Variants in NUMB observed in about 807,000 individuals in gnomAD.
NUMB encodes NUMB endocytic adaptor protein.
Under a neutral mutation model 59.7 loss-of-function variants are expected in NUMB, and 29 were observed. The observed-to-expected ratio is 0.49, with a 90% CI of 0.36 to 0.66. NUMB has a LOEUF of 0.66. NUMB is among the 30% of genes least tolerant of loss of function. The pLI is 0.00. For synonymous variants in NUMB, 288 were observed against 288.2 expected, an observed-to-expected ratio of 1.00 and a Z score of 0.01; for missense variants, 723 against 822.0, an observed-to-expected ratio of 0.88 and a Z score of 1.47.
At chr14:73,277,691 G>A (rs981325689) in intron 12 of NUMB, among the ~76,000 whole-genome samples, 4 of 151,956 alleles carry the variant, frequency 2.6e-5, no homozygotes, top group African/African-American at 9.7e-5. Context: ...GAGCCCAAGA[G>A]CTGGAGGCTG....
intron 4 of NUMB, among the ~76,000 whole-genome samples, chr14:73,326,229 T>C (rs991556440): frequency 1.3e-5 from 2 of 152,186 alleles, no homozygotes; most frequent in African/African-American, 2.4e-5. Context: ...GCTGAACTAA[T>C]ATACAGACCA....
intron 4 of NUMB, among the ~76,000 whole-genome samples, chr14:73,348,044 G>T (rs1276807211): frequency 6.6e-6 from 1 of 152,142 alleles, no homozygotes; most frequent in Non-Finnish European, 1.5e-5. Context: ...TCCCAAATTT[G>T]TTATTCCTTA....
intron 4 of NUMB, among the ~76,000 whole-genome samples, chr14:73,342,949 C>T (rs935129218): frequency 2.6e-5 from 4 of 152,042 alleles, no homozygotes; most frequent in African/African-American, 9.7e-5. Flanking sequence ...ACCTCAGCCT[C>T]CTGAGTAGCT....
At chr14:73,387,227 C>T (rs1273977425) in intron 2 of NUMB, among the ~76,000 whole-genome samples, 2 of 152,104 alleles carry the variant, frequency 1.3e-5, no homozygotes, top group African/African-American at 4.8e-5. Flanking sequence ...TGTCCTTACC[C>T]TGATCCCCTC....
At chr14:73,308,623 A>C (rs1439790511) in intron 6 of NUMB, among the ~76,000 whole-genome samples, 1 of 152,196 alleles carries the variant, frequency 6.6e-6, no homozygotes, top group African/African-American at 2.4e-5. Context: ...TAAGACGGAA[A>C]TACCATTATG....
At chr14:73,315,620 A>G (rs1471709805) in intron 6 of NUMB, among the ~76,000 whole-genome samples, 1 of 152,160 alleles carries the variant, frequency 6.6e-6, no homozygotes, top group East Asian at 1.9e-4. Flanking sequence ...CCCTAAAGGT[A>G]AGTTTATCCA....
rs529988297 is a variant in NUMB, at chr14:73,289,028, AAAAC to A, written c.451-1718_451-1715del. ...GTGACATAATGAGACCCTGTCTCAA[AAAAC>A]AAACAAACAAACAAAACTAACAATG... On this transcript the variant is annotated intron_variant, in intron 8 of 12. Transcript: ENST00000555238. 2.1e-3 allele frequency among the ~76,000 whole-genome samples: 323 copies of A among 152,266 alleles called. 1 individual carries two copies. In the Middle Eastern group the frequency reaches 0.041, roughly 19 times the overall value.
chr14:73,284,457 C>A (rs1888845347), intron 9 of NUMB, 83 bp from the exon 10 acceptor site: 6 of 1,200,424 alleles, frequency 5.0e-6, no homozygotes, highest in Non-Finnish European at 7.1e-6. Context: ...CGAAAGCCCT[C>A]TAGGTCCTTT....
intron 6 of NUMB, among the ~76,000 whole-genome samples, chr14:73,313,015 C>T (rs1288886067): frequency 1.3e-5 from 2 of 148,900 alleles, no homozygotes; most frequent in African/African-American, 2.5e-5. Context: ...GAGACAGAGT[C>T]TTGCTCTATA....
Position 73,353,072 on chromosome 14 carries a change from G to GTTTTTTTTTTTTTTTTTTTTTTTTTT in NUMB, c.126+2528_126+2553dup, listed in dbSNP as rs71112737. On this transcript the variant is annotated intron_variant, in intron 4 of 12. Coordinates refer to ENST00000555238, the MANE Select transcript of NUMB (RefSeq NM_001005743.2). Reference sequence around the variant, plus strand: ...CTTAATGGATGCCACAGTTTTTCTTGTTTTTTTTTTTTTTTTTTTTTTTTT... The same window carrying GTTTTTTTTTTTTTTTTTTTTTTTTTT: ...CTTAATGGATGCCACAGTTTTTCTTGTTTTTTTTTTTTTTTTTTTTTTTTTTTTTTTTTTTTTTTTTTTTTTTTTTT... 6.8e-4 allele frequency among the ~76,000 whole-genome samples: 40 copies of GTTTTTTTTTTTTTTTTTTTTTTTTTT among 58,522 alleles called. 10 individuals are homozygous for GTTTTTTTTTTTTTTTTTTTTTTTTTT. The highest frequency in any genetic ancestry group is 1.1e-3 in the African/African-American group (19 of 17,568). The allele number at this position is 58,522 out of a possible 152,430, so 38.4% of individuals were successfully genotyped here.
At chr14:73,449,523 C>T (rs1883780611) in intron 1 of NUMB, among the ~76,000 whole-genome samples, 1 of 151,818 alleles carries the variant, frequency 6.6e-6, no homozygotes, top group Non-Finnish European at 1.5e-5. Context: ...CTGGTTGAAT[C>T]CAAGGATGCA....
intron 1 of NUMB, among the ~76,000 whole-genome samples, chr14:73,438,276 C>T (rs1898140746): frequency 6.6e-6 from 1 of 152,118 alleles, no homozygotes; most frequent in Admixed American, 6.6e-5. Context: ...TAAGTGTGAA[C>T]ACAATATAAA....
At chr14:73,447,773 A>T in intron 1 of NUMB, among the ~76,000 whole-genome samples, 1 of 150,182 alleles carries the variant, frequency 6.7e-6, no homozygotes. Flanking sequence ...TTTGCAGTTC[A>T]TTTTCTTGCC....
intron 4 of NUMB, among the ~76,000 whole-genome samples, chr14:73,354,912 A>C (rs936403083): frequency 2.6e-5 from 4 of 151,352 alleles, no homozygotes; most frequent in African/African-American, 9.7e-5. Flanking sequence ...CCTTTAAGAT[A>C]TTAACATTTG....
chr14:73,412,798 T>A (rs1896956240), intron 1 of NUMB, among the ~76,000 whole-genome samples: 1 of 151,856 alleles, frequency 6.6e-6, no homozygotes, highest in Non-Finnish European at 1.5e-5. Flanking sequence ...TCTGGCCAAT[T>A]CTTCTTATTT....
At chr14:73,278,337 T>C (rs1031466907) in intron 12 of NUMB, among the ~76,000 whole-genome samples, 1 of 151,778 alleles carries the variant, frequency 6.6e-6, no homozygotes, top group Non-Finnish European at 1.5e-5. Context: ...CTGGCCAACA[T>C]GGTGACACCC....
intron 12 of NUMB, among the ~76,000 whole-genome samples, chr14:73,278,762 C>T (rs1185191886): frequency 8.8e-6 from 1 of 113,130 alleles, no homozygotes; most frequent in Non-Finnish European, 1.6e-5. Flanking sequence ...GAGTATTGCT[C>T]TGTTGCCCAG....
intron 1 of NUMB, among the ~76,000 whole-genome samples, chr14:73,446,335 C>T (rs1433084023): frequency 3.9e-5 from 6 of 151,952 alleles, no homozygotes; most frequent in Non-Finnish European, 1.5e-5. Flanking sequence ...AAACTGGGCG[C>T]GGTGGCTCAC....
intron 8 of NUMB, among the ~76,000 whole-genome samples, chr14:73,290,479 G>A (rs1889317371): frequency 6.6e-6 from 1 of 152,198 alleles, no homozygotes; most frequent in South Asian, 2.1e-4. Flanking sequence ...ACCAGAATCA[G>A]AACTGAAACC....
Sources: gnomAD v4.1 joint callset for allele counts (sites outside exome capture counted in the v4.1 genomes callset) on GRCh38, gnomAD v4.1.1 for gene constraint, MANE v1.5 for transcripts, NCBI Gene and HGNC (gene_info 2026-07-23, HGNC 2026-07-21) for gene names.